Variants in RPS25 observed in about 807,000 individuals in gnomAD.
The protein encoded by RPS25 is small ribosomal subunit protein eS25.
A neutral mutation model predicts 14.4 loss-of-function variants in RPS25; 1 was observed. The observed-to-expected ratio is 0.07, with a 90% CI of 0.02 to 0.33. The LOEUF is 0.33. Ranked by LOEUF, RPS25 falls within the 10% of genes least tolerant of loss-of-function variation. The pLI is 1.00. For synonymous variants in RPS25, 63 were observed against 53.8 expected, an observed-to-expected ratio of 1.17 and a Z score of -0.75; for missense variants, 65 against 144.6, an observed-to-expected ratio of 0.45 and a Z score of 2.82.
chr11:119,016,616 A>AG (rs1943164130), intron 3 of RPS25, among the ~76,000 whole-genome samples: 1 of 149,484 alleles, frequency 6.7e-6, no homozygotes, highest in South Asian at 2.1e-4. Context: ...CCTTTAAATT[A>AG]GGGCTCCATT....
chr11:119,017,578 T>A (rs782216396), intron 2 of RPS25, 33 bp from the exon 3 acceptor site: 6 of 1,591,850 alleles, frequency 3.8e-6, no homozygotes, highest in Non-Finnish European at 5.2e-6. Context: ...AACAAGTTAG[T>A]ATTTCTGGCA....
In RPS25 at chr11:119,017,639, C is replaced by G. The variant is rs557084999; in HGVS notation, c.100-94G>C. ...TCTGCGTCAGAGAAATCTGTTCCACCGTTATCAAGGATAAATTACACATTA... is the reference window on the plus strand; with the variant it reads ...TCTGCGTCAGAGAAATCTGTTCCACGGTTATCAAGGATAAATTACACATTA... On this transcript the variant is annotated intron_variant, in intron 2 of 4. Transcript: ENST00000527673. The G allele has an allele frequency of 1.4e-5, 16 of 1,130,436 alleles. No homozygotes were observed. The East Asian group carries it at 3.8e-4, about 27-fold the overall frequency. 70.0% of individuals were successfully genotyped at this position (1,130,436 alleles called of 1,614,324 possible). A position where few individuals can be genotyped will look rare whatever the true frequency, so the allele number is the denominator to read the frequency against.
chr11:119,018,013 G>A lies in RPS25; in HGVS notation c.44C>T (p.Ser15Leu). 6.2e-7 allele frequency: 1 copy of A among 1,612,198 alleles called. No individual in the cohort carries two copies. Among genetic ancestry groups the A allele is most frequent in the South Asian group, 1.1e-5 (1 of 90,972 alleles). Residue 15 changes from serine (S) to leucine (L), a missense_variant, in exon 2 of 5, where the codon TCG becomes TTG. Coordinates refer to ENST00000527673, the MANE Select transcript of RPS25 (RefSeq NM_001028.3). ...DDKKKKDAGK[S>L]AKKDKDPVNK... Reference sequence around the variant, plus strand: ...CACTGGGTCTTTGTCTTTCTTGGCCGACTTTCCAGCGTCCTTCTTCTTCTT... The same window carrying A: ...CACTGGGTCTTTGTCTTTCTTGGCCAACTTTCCAGCGTCCTTCTTCTTCTT...
chr11:119,016,852 C>G (rs917527322), intron 3 of RPS25, among the ~76,000 whole-genome samples: 1 of 151,980 alleles, frequency 6.6e-6, no homozygotes, highest in Admixed American at 6.5e-5. Context: ...TAACTCCTGA[C>G]CTCCGTTGAT....
rs781841434 is a variant in RPS25 at position 119,018,302 on chromosome 11, A to G, written c.-18T>C. 40 of 1,614,040 alleles carry G rather than the reference A, an allele frequency of 2.5e-5. No homozygotes were observed. The highest frequency in any genetic ancestry group is 3.3e-4 in the Middle Eastern group (2 of 6,080). ...CTTACCATTGCGAAGCTCGGAGAAT[A>G]GCAGCAGACACCGCAGCCTCGTCAA... On this transcript the variant is annotated 5_prime_UTR_variant, in exon 1 of 5. Transcript: ENST00000527673.
At chr11:119,016,837 G>A (rs1160486468) in intron 3 of RPS25, among the ~76,000 whole-genome samples, 3 of 151,912 alleles carry the variant, frequency 2.0e-5, no homozygotes, top group Non-Finnish European at 4.4e-5. Flanking sequence ...GGCCAGGCTG[G>A]TCTTTAACTC....
chr11:119,018,161 G>T, intron 1 of RPS25, 108 bp from the exon 2 acceptor site: 1 of 1,570,330 alleles, frequency 6.4e-7, no homozygotes, highest in Non-Finnish European at 8.8e-7. Flanking sequence ...CATGGGCCAA[G>T]CAATAACCGC....
In RPS25 at chr11:119,017,944, G is replaced by A. The variant is rs569077784; in HGVS notation, c.99+14C>T. On this transcript the variant is annotated intron_variant, in intron 2 of 4. Transcript: ENST00000527673. ...AGTTACCCCTAGTCTCTTTCAGAGAGGTCTTATTTCTACCTTCTTTTTGGC... is the reference window on the plus strand; with the variant it reads ...AGTTACCCCTAGTCTCTTTCAGAGAAGTCTTATTTCTACCTTCTTTTTGGC... The A allele has an allele frequency of 5.0e-6, 8 of 1,596,794 alleles. No homozygotes were observed. The highest frequency in any genetic ancestry group is 2.2e-5 in the South Asian group (2 of 90,614).
chr11:119,018,145 A>G (rs782407560), intron 1 of RPS25, 92 bp from the exon 2 acceptor site: 24 of 1,559,962 alleles, frequency 1.5e-5, no homozygotes, highest in Non-Finnish European at 2.0e-5. Context: ...CTCCACCACC[A>G]GAGCACATGG....
intron 1 of RPS25, 52 bp downstream of exon 1, chr11:119,018,230 A>C: frequency 1.2e-6 from 2 of 1,613,502 alleles, no homozygotes; most frequent in Admixed American, 1.7e-5. Flanking sequence ...GGCTCTCCCC[A>C]CTGAGTCCTC....
intron 2 of RPS25, 98 bp downstream of exon 2, chr11:119,017,860 A>G: frequency 6.4e-6 from 6 of 936,772 alleles, no homozygotes; most frequent in Non-Finnish European, 1.0e-5. Context: ...GACTCTAGAA[A>G]TCTACACCTG....
rs1943188889 is a variant in RPS25 at position 119,017,411 on chromosome 11, C to T, written c.234G>A (p.Lys78=). ...CTGCCCTGGCCAGGGAGCCTCGAATCTTCAGTCTCTCAGAGACCACAGCTG... is the reference window on the plus strand; with the variant it reads ...CTGCCCTGGCCAGGGAGCCTCGAATTTTCAGTCTCTCAGAGACCACAGCTG... ...ITPAVVSERL[K]IRGSLARAAL... Residue 78 remains lysine, a synonymous_variant, in exon 3 of 5, where the codon AAG becomes AAA. Coordinates refer to ENST00000527673, the MANE Select transcript of RPS25 (RefSeq NM_001028.3). 1 of 1,614,156 alleles carries T rather than the reference C, an allele frequency of 6.2e-7. No homozygotes were observed. Among genetic ancestry groups the T allele is most frequent in the Non-Finnish European group, 8.5e-7 (1 of 1,180,006 alleles).
chr11:119,016,280 T>TA (rs1249142171), intron 3 of RPS25, among the ~76,000 whole-genome samples: 1 of 152,106 alleles, frequency 6.6e-6, no homozygotes, highest in East Asian at 1.9e-4. Context: ...AATGAGACTC[T>TA]AGTAAGGTTT....
At chr11:119,017,886 T>C (rs533178066) in intron 2 of RPS25, 72 bp downstream of exon 2, 3 of 1,232,178 alleles carry the variant, frequency 2.4e-6, no homozygotes, top group Non-Finnish European at 2.4e-6. Context: ...CCACTTACTA[T>C]ACAAGTTACC....
Position 119,018,007 on chromosome 11 carries a change from T to C in RPS25, c.50A>G (p.Lys17Arg). The change falls in exon 2 of 5, where the codon AAG becomes AGG. Residue 17 changes from lysine (K) to arginine (R), a missense_variant. Lys to Arg is a conservative substitution (Grantham distance 26). Transcript: ENST00000527673. ...KKKKDAGKSA[K>R]KDKDPVNKSG... ...TTTGTTCACTGGGTCTTTGTCTTTCTTGGCCGACTTTCCAGCGTCCTTCTT... is the reference window on the plus strand; with the variant it reads ...TTTGTTCACTGGGTCTTTGTCTTTCCTGGCCGACTTTCCAGCGTCCTTCTT... 8 of 1,612,388 alleles carry C rather than the reference T, an allele frequency of 5.0e-6. No homozygotes were observed. Among genetic ancestry groups the C allele is most frequent in the Non-Finnish European group, 5.1e-6 (6 of 1,180,014 alleles).
rs781880645 is a variant in RPS25 at position 119,018,310 on chromosome 11, A to C, written c.-26T>G. 6.2e-7 allele frequency: 1 copy of C among 1,614,178 alleles called. No homozygotes were observed. The highest frequency in any genetic ancestry group is 8.5e-7 in the Non-Finnish European group (1 of 1,180,038). On this transcript the variant is annotated 5_prime_UTR_variant, in exon 1 of 5. Transcript: ENST00000527673. Reference sequence around the variant, plus strand: ...TGCGAAGCTCGGAGAATAGCAGCAGACACCGCAGCCTCGTCAAGATGTCGG... The same window carrying C: ...TGCGAAGCTCGGAGAATAGCAGCAGCCACCGCAGCCTCGTCAAGATGTCGG...
In RPS25 at chr11:119,018,031, T is replaced by G; in HGVS notation, c.26A>C (p.Lys9Thr). The G allele has an allele frequency of 6.2e-7, 1 of 1,612,346 alleles. No individual in the cohort carries two copies. The highest frequency in any genetic ancestry group is 1.7e-5 in the Admixed American group (1 of 60,018). Residue 9 changes from lysine to threonine, a missense_variant, in exon 2 of 5, where the codon AAG becomes ACG. By Grantham distance (78) the Lys-to-Thr change is moderately conservative. Transcript: ENST00000527673. ...CTTGGCCGACTTTCCAGCGTCCTTC[T>G]TCTTCTTGTCGTCCTTAGGCGGCTG... MPPKDDKK[K>T]KDAGKSAKKD... is the part of the protein sequence containing the mutation.
At chr11:119,015,813 C>T (rs1226185469) in intron 4 of RPS25, 28 bp downstream of exon 4, 2 of 1,462,154 alleles carry the variant, frequency 1.4e-6, no homozygotes, top group Non-Finnish European at 9.6e-7. Context: ...CTACCTCCTA[C>T]ACCATGAGCC....
In RPS25 at chr11:119,018,289, A is replaced by G. The variant is rs782059606; in HGVS notation, c.-5T>C. ...CACACCCCTGAAGCTTACCATTGCG[A>G]AGCTCGGAGAATAGCAGCAGACACC... On this transcript the variant is annotated 5_prime_UTR_variant, in exon 1 of 5. Transcript: ENST00000527673. The G allele has an allele frequency of 1.9e-6, 3 of 1,614,188 alleles. No homozygotes were observed. Among genetic ancestry groups the G allele is most frequent in the Non-Finnish European group, 8.5e-7 (1 of 1,180,014 alleles).
Sources: gnomAD v4.1 joint callset for allele counts (sites outside exome capture counted in the v4.1 genomes callset) on GRCh38, gnomAD v4.1.1 for gene constraint, MANE v1.5 for transcripts, NCBI Gene and HGNC (gene_info 2026-07-23, HGNC 2026-07-21) for gene names.